CEACAM4: variants seen among roughly 807,000 people sequenced by gnomAD.
The protein encoded by CEACAM4 is cell adhesion molecule CEACAM4.
CEACAM4 carries 30 observed loss-of-function variants against 28.7 expected under a neutral mutation model. The ratio of observed to expected loss-of-function variants is 1.05; its 90% CI spans 0.78 to 1.42. The LOEUF is 1.42. Among genes scored for constraint, CEACAM4 ranks in the 40% most tolerant of loss-of-function variants. The pLI, the probability that CEACAM4 is intolerant of heterozygous loss-of-function variation, is 0.00. For synonymous variants in CEACAM4, 143 were observed against 126.5 expected, an observed-to-expected ratio of 1.13 and a Z score of -0.87; for missense variants, 330 against 308.2, an observed-to-expected ratio of 1.07 and a Z score of -0.53.
chr19:41,626,105 T>C, intron 1 of CEACAM4, 145 bp from the exon 2 acceptor site: 4 of 575,124 alleles, frequency 7.0e-6, no homozygotes, highest in South Asian at 2.3e-5. Flanking sequence ...TGTGTGTGTG[T>C]GTGTGTGTGT....
downstream of CEACAM4, among the ~76,000 whole-genome samples, chr19:41,614,303 T>C (rs2070963707): frequency 6.6e-6 from 1 of 152,256 alleles, no homozygotes; most frequent in Non-Finnish European, 1.5e-5. Flanking sequence ...TGCTGGGCTA[T>C]TGGCTGGTCT....
chr19:41,624,870 G>T (rs2071536510), intron 2 of CEACAM4, among the ~76,000 whole-genome samples: 1 of 152,214 alleles, frequency 6.6e-6, no homozygotes. Flanking sequence ...AACAGCATCT[G>T]TTATTTGCCT....
At chr19:41,621,618 G>A in intron 3 of CEACAM4, 33 bp downstream of exon 3, 1 of 1,255,978 alleles carries the variant, frequency 8.0e-7, no homozygotes, top group Non-Finnish European at 1.2e-6. Context: ...GTCAGCCTAG[G>A]GGTGGGAGGA....
Position 41,620,560 on chromosome 19 carries a change from T to G in CEACAM4, c.595+15A>C, listed in dbSNP as rs1555800849. Reference sequence around the variant, plus strand: ...GGCCTAGGGGCTCCCACACCTGGGCTGAAGGGACACTCACCAGGGGTGGAG... The same window carrying G: ...GGCCTAGGGGCTCCCACACCTGGGCGGAAGGGACACTCACCAGGGGTGGAG... On this transcript the variant is annotated intron_variant, in intron 4 of 6. Transcript: ENST00000221954. The G allele has an allele frequency of 6.2e-7, 1 of 1,610,418 alleles. No homozygotes were observed. The highest frequency in any genetic ancestry group is 1.3e-5 in the African/African-American group (1 of 74,810).
At chr19:41,621,883 AGT>A (rs1555801755) in intron 2 of CEACAM4, 115 bp from the exon 3 acceptor site, 1 of 692,828 alleles carries the variant, frequency 1.4e-6, no homozygotes, top group African/African-American at 1.8e-5. Context: ...CCAGAGCCTG[AGT>A]GTGGTCTGTT....
intron 1 of CEACAM4, 125 bp from the exon 2 acceptor site, chr19:41,626,085 TG>T: frequency 2.9e-6 from 1 of 344,150 alleles, no homozygotes; most frequent in Non-Finnish European, 4.8e-6. Flanking sequence ...TGTGTGTGTG[TG>T]TGTGTGTGTG....
At chr19:41,620,310 TA>T (rs200696870) in intron 4 of CEACAM4, 68 bp from the exon 5 acceptor site, 36,754 of 1,327,782 alleles carry the variant, frequency 0.028, 662 homozygotes, top group Admixed American at 0.074. Flanking sequence ...CAGGAGAGTG[TA>T]GGGGTCCTCA....
In CEACAM4 at chr19:41,625,423, G is replaced by A; in HGVS notation, c.424+178C>T. ...CAGTGTCTGCAGGGCCTGGATGCAG[G>A]AAAGGAATTCTGATCTGTTGAAGTT... On this transcript the variant is annotated intron_variant, in intron 2 of 6. Transcript: ENST00000221954. 3.8e-6 allele frequency: 3 copies of A among 788,276 alleles called. No individual in the cohort carries two copies. In the Admixed American group the frequency reaches 7.6e-5, roughly 20 times the overall value. 48.8% of individuals were successfully genotyped at this position (788,276 alleles called of 1,614,324 possible).
Position 41,621,729 on chromosome 19 carries a change from C to A in CEACAM4, c.464G>T (p.Gly155Val), listed in dbSNP as rs782417152. The A allele has an allele frequency of 4.3e-6, 7 of 1,612,836 alleles. No homozygotes were observed. The highest frequency in any genetic ancestry group is 3.3e-5 in the Admixed American group (2 of 59,984). The change falls in exon 3 of 7, where the codon GGC becomes GTC. Residue 155 changes from glycine to valine, a missense_variant. By Grantham distance (109) the Gly-to-Val change is moderately radical. Transcript: ENST00000221954. The part of the protein sequence containing the change: ...VPGLPVGAVA[G>V]IVTGVLVGVA... ...CCCAACCAGGACCCCAGTCACGATG[C>A]CAGCGACGGCCCCCACAGGAAGGCC...
rs1247008177 is a variant in CEACAM4, at chr19:41,619,154, C to A, written c.*176G>T. 9.8e-6 allele frequency: 6 copies of A among 609,780 alleles called. No homozygotes were observed. The highest frequency in any genetic ancestry group is 1.7e-5 in the Non-Finnish European group (6 of 345,158). The allele number at this position is 609,780 out of a possible 1,614,324, so 37.8% of individuals were successfully genotyped here. A position where few individuals can be genotyped will look rare whatever the true frequency, so the allele number is the denominator to read the frequency against. On this transcript the variant is annotated 3_prime_UTR_variant, in exon 7 of 7. Transcript: ENST00000221954. The stretch of plus-strand genomic sequence containing the variant: ...CCGGCCCACCCAGAGCCCAGGGCAA[C>A]CTGTCAGGGTCTCCAGATATTCAGC...
chr19:41,620,705 G>T, intron 3 of CEACAM4, 78 bp from the exon 4 acceptor site: 1 of 1,247,976 alleles, frequency 8.0e-7, no homozygotes, highest in Non-Finnish European at 1.2e-6. Context: ...ACAAGGAAGG[G>T]ACTCCATTTT....
intron 2 of CEACAM4, 38 bp downstream of exon 2, chr19:41,625,563 T>C: frequency 6.5e-7 from 1 of 1,544,234 alleles, no homozygotes; most frequent in Non-Finnish European, 8.7e-7. Flanking sequence ...GAAGCAGAAC[T>C]GACCGCCAGC....
In CEACAM4 at chr19:41,625,687, G is replaced by A; in HGVS notation, c.338C>T (p.Thr113Ile). Residue 113 changes from threonine to isoleucine, a missense_variant, in exon 2 of 7, where the codon ACC (threonine) becomes ATC (isoleucine). Thr to Ile is a moderately conservative substitution (Grantham distance 89, BLOSUM62 -1). Coordinates refer to ENST00000221954, the MANE Select transcript of CEACAM4 (RefSeq NM_001817.4). The stretch of plus-strand genomic sequence containing the variant: ...GGTGTAGGATCCTGCGTCCTCCAGG[G>A]TGATGTTTTGGAACAGCAGGGATCC... ...PNGSLLFQNI[T>I]LEDAGSYTLR... 6.2e-7 allele frequency: 1 copy of A among 1,613,858 alleles called. No individual in the cohort carries two copies.
intron 5 of CEACAM4, among the ~76,000 whole-genome samples, 169 bp from the exon 6 acceptor site, chr19:41,619,880 G>A (rs2071154786): frequency 6.6e-6 from 1 of 152,036 alleles, no homozygotes; most frequent in Non-Finnish European, 1.5e-5. Context: ...CTCCCAGTGT[G>A]GACACAACAC....
chr19:41,620,246 G>T lies in CEACAM4; in HGVS notation c.596-4C>A. The T allele has an allele frequency of 6.8e-7, 1 of 1,480,106 alleles. No homozygotes were observed. Among genetic ancestry groups the T allele is most frequent in the East Asian group, 2.6e-5 (1 of 39,168 alleles). The allele number at this position is 1,480,106 out of a possible 1,614,324, so 91.7% of individuals were successfully genotyped here. The stretch of plus-strand genomic sequence containing the variant: ...GATCTGTGAGAGGGACCATGGCCTG[G>T]GGACAGAGACAGGAGTGAGCAGCAG... On this transcript the variant is annotated splice_region_variant and splice_polypyrimidine_tract_variant and intron_variant, in intron 4 of 6. Transcript: ENST00000221954.
chr19:41,621,208 G>C (rs1223382350), intron 3 of CEACAM4, among the ~76,000 whole-genome samples: 2 of 152,056 alleles, frequency 1.3e-5, no homozygotes, highest in Admixed American at 6.5e-5. Flanking sequence ...AATCACGATG[G>C]GGTGCTGACC....
chr19:41,623,808 A>G (rs1170644952), intron 2 of CEACAM4, among the ~76,000 whole-genome samples: 1 of 152,052 alleles, frequency 6.6e-6, no homozygotes, highest in Non-Finnish European at 1.5e-5. Flanking sequence ...ATTTTTAAAT[A>G]TTTACTTTTT....
downstream of CEACAM4, among the ~76,000 whole-genome samples, chr19:41,617,279 G>T (rs1486937599): frequency 6.6e-6 from 1 of 152,152 alleles, no homozygotes; most frequent in Non-Finnish European, 1.5e-5. Context: ...GGTACTAGGG[G>T]CATGGAGAGC....
chr19:41,626,876 A>C, intron 1 of CEACAM4, 24 bp downstream of exon 1: 1 of 1,602,974 alleles, frequency 6.2e-7, no homozygotes, highest in Non-Finnish European at 8.5e-7. Context: ...TCTTCCCACC[A>C]CTCCCAGAGA....
Sources: allele counts gnomAD v4.1 joint callset (sites outside exome capture counted in the v4.1 genomes callset), GRCh38; gene constraint gnomAD v4.1.1; transcripts MANE v1.5; gene names NCBI Gene and HGNC (gene_info 2026-07-23, HGNC 2026-07-21).